The following ARL16 variants were observed in gnomAD, a reference collection of about 807,000 sequenced individuals.
The protein encoded by ARL16 is ADP-ribosylation factor-like protein 16.
A neutral mutation model predicts 14.1 loss-of-function variants in ARL16; 21 were observed. The ratio of observed to expected loss-of-function variants is 1.48; its 90% CI spans 1.05 to 2.14. ARL16 has a LOEUF of 2.14. Ranked by LOEUF, ARL16 falls within the 30% of genes most tolerant of loss-of-function variation. The probability of loss-of-function intolerance (pLI) is 0.00; values close to 1 mark genes in which losing one functional copy is unlikely to be tolerated. For synonymous variants in ARL16, 122 were observed against 91.8 expected (o/e 1.33, Z -1.88); for missense variants, 248 against 222.0 (o/e 1.12, Z -0.74).
chr17:81,683,255 A>C, intron 2 of ARL16, 129 bp from the exon 3 acceptor site: 1 of 959,600 alleles, frequency 1.0e-6, no homozygotes. Flanking sequence ...TAACGCAGGA[A>C]CGGCGAGCAG....
In ARL16 at chr17:81,683,023, C is replaced by G. The variant is rs1032793527; in HGVS notation, c.224G>C (p.Arg75Pro). Reference protein sequence around the residue: ...PIWSSYYGNCRSLLFVMDASD... With the variant: ...PIWSSYYGNCPSLLFVMDASD... The stretch of plus-strand genomic sequence containing the variant: ...AGGATTACAACCCACCAGGAGAGAA[C>G]GGCAGTTTCCATAGTAACTGGACCA... The change falls in exon 3 of 5, where the codon CGT becomes CCT. Residue 75 changes from arginine (R) to proline (P), a missense_variant. By Grantham distance (103) the Arg-to-Pro change is moderately radical. Transcript: ENST00000622299. The G allele has an allele frequency of 1.2e-5, 19 of 1,613,548 alleles. No homozygotes were observed. The highest frequency in any genetic ancestry group is 1.6e-5 in the Non-Finnish European group (19 of 1,179,700).
At chr17:81,682,950 C>G in intron 3 of ARL16, 63 bp downstream of exon 3, 2 of 1,428,064 alleles carry the variant, frequency 1.4e-6, no homozygotes, top group South Asian at 1.2e-5. Context: ...AGGTTGGGGA[C>G]TGGACGTCAC....
At position 81,683,036 on chromosome 17, in the gene ARL16, A is replaced by G. The variant is rs1217173287; in HGVS notation, c.211T>C (p.Tyr71His). ...ACCAGGAGAGAACGGCAGTTTCCAT[A>G]GTAACTGGACCAGATGGGGCCCATG... is the stretch of plus-strand genomic sequence containing the variant. ...GCMGPIWSSY[Y>H]GNCRSLLFVM... is the part of the protein sequence containing the mutation. The change falls in exon 3 of 5, where the codon TAT (tyrosine) becomes CAT (histidine). Residue 71 changes from tyrosine to histidine, a missense_variant. Transcript: ENST00000622299. The G allele has an allele frequency of 2.5e-6, 4 of 1,613,604 alleles. No individual in the cohort carries two copies. The highest frequency in any genetic ancestry group is 3.4e-6 in the Non-Finnish European group (4 of 1,179,830).
intron 3 of ARL16, chr17:81,682,734 C>G (rs1458136274): frequency 4.2e-6 from 2 of 477,446 alleles, no homozygotes; most frequent in Non-Finnish European, 7.5e-6. Context: ...ACAGACGTAC[C>G]GGGGAGTGAC....
chr17:81,682,931 C>CTTGCAGAACAACTTGCAGA, intron 3 of ARL16, 82 bp downstream of exon 3: 1 of 1,262,786 alleles, frequency 7.9e-7, no homozygotes, highest in Non-Finnish European at 1.2e-6. Flanking sequence ...CCCCTTTCTA[C>CTTGCAGAACAACTTGCAGA]ACACAGCAAG....
intron 2 of ARL16, 196 bp downstream of exon 2, chr17:81,683,340 A>G: frequency 3.5e-6 from 3 of 861,816 alleles, no homozygotes; most frequent in Non-Finnish European, 3.5e-6. Context: ...GGGGAGAGGA[A>G]GTGCCCGTGG....
rs1377541776 is a variant in ARL16 at position 81,683,565 on chromosome 17, G to C, written c.91C>G (p.Leu31Val). 1.2e-6 allele frequency: 2 copies of C among 1,601,780 alleles called. No individual in the cohort carries two copies. Among genetic ancestry groups the C allele is most frequent in the Non-Finnish European group, 1.7e-6 (2 of 1,175,780 alleles). Residue 31 changes from leucine (L) to valine (V), a missense_variant, in exon 2 of 5, where the codon CTG becomes GTG. By Grantham distance (32) the Leu-to-Val change is conservative (BLOSUM62 1). Coordinates refer to ENST00000622299, the MANE Select transcript of ARL16 (RefSeq NM_001040025.3). The stretch of plus-strand genomic sequence containing the variant: ...GGCCGTGTCGGGGGCGGCTCCCCCA[G>C]GTCGCCTTTCCCATCCCGGGAGCTC... ...EVSSRDGKGD[L>V]GEPPPTRPTV...
At chr17:81,682,937 G>A (rs1428692136) in intron 3 of ARL16, 76 bp downstream of exon 3, 36 of 1,310,802 alleles carry the variant, frequency 2.7e-5, no homozygotes, top group Non-Finnish European at 3.9e-5. Flanking sequence ...TCTACACACA[G>A]CAAGGTTGGG....
rs117352501 is a variant in ARL16 at position 81,681,544 on chromosome 17, C to T, written c.*164G>A. 0.021 allele frequency: 18,119 copies of T among 882,458 alleles called. 337 individuals carry two copies. The highest frequency in any genetic ancestry group is 0.079 in the East Asian group (2,769 of 34,948). 54.7% of individuals were successfully genotyped at this position (882,458 alleles called of 1,614,324 possible). A position where few individuals can be genotyped will look rare whatever the true frequency, so the allele number is the denominator to read the frequency against. On this transcript the variant is annotated 3_prime_UTR_variant, in exon 5 of 5. Coordinates refer to ENST00000622299, the MANE Select transcript of ARL16 (RefSeq NM_001040025.3). ...AGAGGCCAGATGTCAACTTCCATCT[C>T]CACATGCCTCAGTTTACACATCATT...
At chr17:81,681,915 AG>A in intron 4 of ARL16, 36 bp from the exon 5 acceptor site, 4 of 1,596,418 alleles carry the variant, frequency 2.5e-6, no homozygotes, top group Non-Finnish European at 2.6e-6. Context: ...GAGCAGTGGC[AG>A]CCACACACCT....
At chr17:81,682,350 C>G in intron 3 of ARL16, 1 of 418,386 alleles carries the variant, frequency 2.4e-6, no homozygotes. Context: ...TCAAGTGATT[C>G]TCCTGCCTCA....
rs1347230323 is a variant in ARL16 at position 81,683,757 on chromosome 17, G to C, written c.-4C>G. ...TGGCCCCCAGCAGGAGACACATTCC[G>C]TGCTTCGCTCCACCCGGCACCCGTA... On this transcript the variant is annotated 5_prime_UTR_variant, in exon 1 of 5. Coordinates refer to ENST00000622299, the MANE Select transcript of ARL16 (RefSeq NM_001040025.3). The C allele has an allele frequency of 6.2e-7, 1 of 1,607,664 alleles. No homozygotes were observed. The highest frequency in any genetic ancestry group is 1.1e-5 in the South Asian group (1 of 90,926).
Position 81,683,081 on chromosome 17 carries a change from T to C in ARL16, c.166A>G (p.Ile56Val). ...CCCATGCACCCCCCAAGCTCCCGGA[T>C]GGTGATCTTTCTCTGTGCCACGATG... ...TDIVAQRKIT[I>V]RELGGCMGPI... The change falls in exon 3 of 5, where the codon ATC becomes GTC. Residue 56 changes from isoleucine (I) to valine (V), a missense_variant. By Grantham distance (29) the Ile-to-Val change is conservative. Coordinates refer to ENST00000622299, the MANE Select transcript of ARL16 (RefSeq NM_001040025.3). The C allele has an allele frequency of 6.2e-7, 1 of 1,612,400 alleles. No individual in the cohort carries two copies. The highest frequency in any genetic ancestry group is 8.5e-7 in the Non-Finnish European group (1 of 1,179,438).
At chr17:81,683,184 C>T (rs2036890370) in intron 2 of ARL16, 58 bp from the exon 3 acceptor site, 3 of 1,472,666 alleles carry the variant, frequency 2.0e-6, no homozygotes, top group Non-Finnish European at 2.8e-6. Flanking sequence ...GTTGTGAACT[C>T]CTGAAGAGCA....
chr17:81,682,352 C>A (rs1463865456), intron 3 of ARL16: 2 of 405,758 alleles, frequency 4.9e-6, no homozygotes, highest in Non-Finnish European at 9.0e-6. Context: ...AAGTGATTCT[C>A]CTGCCTCAGC....
chr17:81,682,458 G>A, intron 3 of ARL16: 1 of 210,812 alleles, frequency 4.7e-6, no homozygotes. Flanking sequence ...TAGTCAGGAT[G>A]GTCTCCATCT....
chr17:81,683,549 G>A lies in ARL16; in HGVS notation c.107C>T (p.Pro36Leu), dbSNP rs1383498287. The stretch of plus-strand genomic sequence containing the variant: ...GCGGACACCTACCGTGGGCCGTGTC[G>A]GGGGCGGCTCCCCCAGGTCGCCTTT... ...DGKGDLGEPP[P>L]TRPTVGTNLT... Residue 36 changes from proline (P) to leucine (L), a missense_variant, in exon 2 of 5, where the codon CCG (proline) becomes CTG (leucine). Pro to Leu is a moderately conservative substitution (Grantham distance 98, BLOSUM62 -3). Coordinates refer to ENST00000622299, the MANE Select transcript of ARL16 (RefSeq NM_001040025.3). The A allele has an allele frequency of 2.5e-6, 4 of 1,596,924 alleles. No individual in the cohort carries two copies. Among genetic ancestry groups the A allele is most frequent in the South Asian group, 1.1e-5 (1 of 88,462 alleles).
At chr17:81,682,795 G>T in intron 3 of ARL16, 1 of 579,500 alleles carries the variant, frequency 1.7e-6, no homozygotes, top group Non-Finnish European at 3.1e-6. Flanking sequence ...CCCTCAGCAA[G>T]CCCTCTGTGA....
At chr17:81,682,642 A>G in intron 3 of ARL16, 1 of 239,990 alleles carries the variant, frequency 4.2e-6, no homozygotes, top group African/African-American at 2.3e-5. Flanking sequence ...TCATGTGGCC[A>G]TCAGTTCTCC....
Sources: gnomAD v4.1 joint callset for allele counts on GRCh38, gnomAD v4.1.1 for gene constraint, MANE v1.5 for transcripts, NCBI Gene and HGNC (gene_info 2026-07-23, HGNC 2026-07-21) for gene names.